The following SYNPR variants were observed in gnomAD, a reference collection of about 807,000 sequenced individuals.
SYNPR encodes synaptoporin.
In SYNPR, 23 loss-of-function variants were observed where a neutral mutation model predicts 32.9. The ratio of observed to expected loss-of-function variants is 0.70; its 90% CI spans 0.50 to 0.99. The LOEUF is 0.99. SYNPR is among the 50% of genes least tolerant of loss of function. The probability of loss-of-function intolerance (pLI) is 0.00; values close to 1 mark genes in which losing one functional copy is unlikely to be tolerated. For missense variants in SYNPR, 318 were observed against 349.3 expected (o/e 0.91, Z 0.71); for synonymous variants, 146 against 135.9 (o/e 1.07, Z -0.52).
At position 63,537,982 on chromosome 3, in the gene SYNPR, A is replaced by G. The variant is rs115769132; in HGVS notation, c.210-18561A>G. Among the ~76,000 whole-genome samples, 742 of 152,240 alleles carry G rather than the reference A, an allele frequency of 4.9e-3. 6 individuals are homozygous for G. The highest frequency in any genetic ancestry group is 0.016 in the African/African-American group (680 of 41,564). On this transcript the variant is annotated intron_variant, in intron 3 of 5. Transcript: ENST00000478300. Reference sequence around the variant, plus strand: ...GAGAAAGTTAAGAGTTGAATCATGAATCTATTGCCATAGGACATACAGCCT... The same window carrying G: ...GAGAAAGTTAAGAGTTGAATCATGAGTCTATTGCCATAGGACATACAGCCT...
the SYNPR span, among the ~76,000 whole-genome samples, chr3:63,200,957 G>C: frequency 6.6e-6 from 1 of 152,166 alleles, no homozygotes; most frequent in Non-Finnish European, 1.5e-5. Flanking sequence ...TTCGTGGGGA[G>C]AGGTAAATCT....
intron 2 of SYNPR, among the ~76,000 whole-genome samples, chr3:63,303,692 T>G (rs940553655): frequency 6.6e-6 from 1 of 152,046 alleles, no homozygotes; most frequent in African/African-American, 2.4e-5. Context: ...ATAGATTTAT[T>G]CTGACTATGA....
chr3:63,478,987 A>G (rs775198139), intron 2 of SYNPR, among the ~76,000 whole-genome samples: 1 of 152,172 alleles, frequency 6.6e-6, no homozygotes, highest in Non-Finnish European at 1.5e-5. Flanking sequence ...GCATTTGGTC[A>G]TGAGGAGTAA....
chr3:63,551,089 C>T (rs1201894615), intron 3 of SYNPR, among the ~76,000 whole-genome samples: 3 of 152,194 alleles, frequency 2.0e-5, no homozygotes, highest in East Asian at 1.9e-4. Context: ...CATCCTCCAC[C>T]CAGTCCTAAG....
At chr3:63,292,571 T>C (rs1370444067) in intron 2 of SYNPR, among the ~76,000 whole-genome samples, 1 of 152,232 alleles carries the variant, frequency 6.6e-6, no homozygotes, top group Non-Finnish European at 1.5e-5. Flanking sequence ...GGGCCTTTCA[T>C]ATTTATAAGA....
At chr3:63,565,258 G>A (rs934964094) in intron 4 of SYNPR, among the ~76,000 whole-genome samples, 4 of 152,096 alleles carry the variant, frequency 2.6e-5, no homozygotes, top group South Asian at 2.1e-4. Flanking sequence ...ACCCCCTGCC[G>A]CTGTCTTAAG....
chr3:63,350,774 C>A (rs2087496591), intron 2 of SYNPR, among the ~76,000 whole-genome samples: 1 of 152,178 alleles, frequency 6.6e-6, no homozygotes, highest in Non-Finnish European at 1.5e-5. Context: ...GGGAGACAGA[C>A]AAACATGCTG....
chr3:63,505,244 T>C (rs1701565663), intron 3 of SYNPR, among the ~76,000 whole-genome samples: 1 of 152,166 alleles, frequency 6.6e-6, no homozygotes, highest in Non-Finnish European at 1.5e-5. Flanking sequence ...TTGACACATT[T>C]ATAGATCAAA....
chr3:63,479,825 C>A (rs1199985953), intron 2 of SYNPR, among the ~76,000 whole-genome samples: 3 of 152,204 alleles, frequency 2.0e-5, no homozygotes, highest in African/African-American at 2.4e-5. Flanking sequence ...AGGTCACATT[C>A]CAGAGCCCTT....
At chr3:63,364,076 T>C (rs2087700167) in intron 2 of SYNPR, among the ~76,000 whole-genome samples, 1 of 152,212 alleles carries the variant, frequency 6.6e-6, no homozygotes, top group African/African-American at 2.4e-5. Context: ...GGAGTTACTA[T>C]CTGCAAAATC....
At chr3:63,552,679 C>A (rs142657166) in intron 3 of SYNPR, among the ~76,000 whole-genome samples, 16 of 152,118 alleles carry the variant, frequency 1.1e-4, no homozygotes, top group South Asian at 8.3e-4. Flanking sequence ...GTAATTCTAA[C>A]GCCAGTGGTC....
chr3:63,208,587 A>G, the SYNPR span, among the ~76,000 whole-genome samples: 1 of 152,212 alleles, frequency 6.6e-6, no homozygotes, highest in Non-Finnish European at 1.5e-5. Flanking sequence ...GATGTCTGGT[A>G]TTGATTCTTC....
At chr3:63,553,480 A>G (rs1702537557) in intron 3 of SYNPR, among the ~76,000 whole-genome samples, 1 of 152,086 alleles carries the variant, frequency 6.6e-6, no homozygotes, top group Admixed American at 6.6e-5. Context: ...TGGGTCAAAG[A>G]GTAGCTCTGT....
intron 3 of SYNPR, among the ~76,000 whole-genome samples, chr3:63,489,946 C>A (rs748971927): frequency 2.0e-5 from 3 of 152,014 alleles, no homozygotes; most frequent in Non-Finnish European, 2.9e-5. Context: ...CTAAGTGGAG[C>A]GGGGAGTGAC....
chr3:63,551,379 CTT>C (rs1343106744), intron 3 of SYNPR, among the ~76,000 whole-genome samples: 5 of 152,134 alleles, frequency 3.3e-5, no homozygotes, highest in Admixed American at 3.3e-4. Flanking sequence ...TGTGAACACT[CTT>C]GTACAAGATT....
At chr3:63,403,441 T>TACACACACACACACACAC (rs10559096) in intron 2 of SYNPR, among the ~76,000 whole-genome samples, 6 of 145,932 alleles carry the variant, frequency 4.1e-5, no homozygotes, top group African/African-American at 1.0e-4. Flanking sequence ...TGTATACACA[T>TACACACACACACACACAC]ACACACACAC....
At chr3:63,298,986 T>C (rs2086817343) in intron 2 of SYNPR, among the ~76,000 whole-genome samples, 1 of 152,132 alleles carries the variant, frequency 6.6e-6, no homozygotes, top group African/African-American at 2.4e-5. Flanking sequence ...AGAATAAATC[T>C]TTGGGAAGGA....
intron 2 of SYNPR, among the ~76,000 whole-genome samples, chr3:63,431,634 C>A (rs550327578): frequency 8.2e-4 from 125 of 151,760 alleles, no homozygotes; most frequent in African/African-American, 3.0e-3. Flanking sequence ...GAGAGAACAG[C>A]ATAAACCAAG....
At position 63,408,142 on chromosome 3, in the gene SYNPR, A is replaced by AAAAGAAAGAAAGAAAGAAAGAAAG. The variant is rs199743513; in HGVS notation, c.85-72660_85-72637dup. 4.9e-4 allele frequency among the ~76,000 whole-genome samples: 14 copies of AAAAGAAAGAAAGAAAGAAAGAAAG among 28,506 alleles called. 1 individual carries two copies. In the South Asian group the frequency reaches 7.8e-3, roughly 16 times the overall value. The allele number at this position is 28,506 out of a possible 152,430, so 18.7% of individuals were successfully genotyped here. A position where few individuals can be genotyped will look rare whatever the true frequency, so the allele number is the denominator to read the frequency against. ...GATAAACAGAACCAATAGAAGAAAG[A>AAAAGAAAGAAAGAAAGAAAGAAAG]AAAGAAAGAAAGAAAGAAAGAAAGA... On this transcript the variant is annotated intron_variant, in intron 2 of 5. Coordinates refer to ENST00000478300, the MANE Select transcript of SYNPR (RefSeq NM_001130003.2).
Sources: gnomAD v4.1 joint callset for allele counts (sites outside exome capture counted in the v4.1 genomes callset) on GRCh38, gnomAD v4.1.1 for gene constraint, MANE v1.5 for transcripts, NCBI Gene and HGNC (gene_info 2026-07-23, HGNC 2026-07-21) for gene names.